The following CEP126 variants were observed in gnomAD, a reference collection of about 807,000 sequenced individuals.
CEP126 encodes centrosomal protein of 126 kDa.
CEP126 carries 74 observed loss-of-function variants against 107.8 expected under a neutral mutation model. The ratio of observed to expected loss-of-function variants is 0.69; its 90% CI spans 0.57 to 0.83. The LOEUF (loss-of-function observed/expected upper bound fraction) is 0.83, where lower values mean the gene tolerates loss of function less well. Ranked by LOEUF, CEP126 falls within the 40% of genes least tolerant of loss-of-function variation. The pLI is 0.00. For synonymous variants in CEP126, 449 were observed against 446.0 expected (o/e 1.01, Z -0.08); for missense variants, 1,237 against 1,281.9 (o/e 0.96, Z 0.53).
chr11:101,946,307 A>G (rs2137097826), intron 3 of CEP126, among the ~76,000 whole-genome samples: 1 of 151,632 alleles, frequency 6.6e-6, no homozygotes, highest in Non-Finnish European at 1.5e-5. Context: ...GACGAGTTCA[A>G]GACCATCCTG....
At chr11:101,925,281 C>T (rs1415945700) in intron 2 of CEP126, among the ~76,000 whole-genome samples, 5 of 152,124 alleles carry the variant, frequency 3.3e-5, no homozygotes, top group African/African-American at 1.2e-4. Flanking sequence ...TTGAGATACA[C>T]ACACAGAAAG....
chr11:101,993,517 C>A (rs1032771879), intron 10 of CEP126, among the ~76,000 whole-genome samples: 5 of 152,152 alleles, frequency 3.3e-5, no homozygotes, highest in Admixed American at 1.3e-4. Flanking sequence ...AATGAACATA[C>A]CCCTGCATGT....
intron 2 of CEP126, among the ~76,000 whole-genome samples, chr11:101,930,321 AGATTACTT>A (rs1940476841): frequency 6.6e-6 from 1 of 152,186 alleles, no homozygotes; most frequent in African/African-American, 2.4e-5. Context: ...AATCTTCTCT[AGATTACTT>A]ATAATAACTA....
chr11:101,962,263 A>C lies in CEP126; in HGVS notation c.1228A>C (p.Thr410Pro). Residue 410 changes from threonine to proline, a missense_variant, in exon 6 of 11, where the codon ACT becomes CCT. This residue lies in a region of CEP126 where 1,134 missense variants were observed against 1,150.5 expected (regional missense o/e 0.99). Transcript: ENST00000263468. ...GAFKRERPLV[T>P]ESPTFKFSKS... ...ATTCAAAAGAGAGAGACCATTAGTT[A>C]CTGAGAGCCCAACATTTAAATTTAG... 6.8e-6 allele frequency: 11 copies of C among 1,613,920 alleles called. No individual in the cohort carries two copies. The highest frequency in any genetic ancestry group is 9.3e-6 in the Non-Finnish European group (11 of 1,179,846).
intron 8 of CEP126, among the ~76,000 whole-genome samples, chr11:101,982,768 A>G (rs1021252418): frequency 3.3e-5 from 5 of 152,226 alleles, no homozygotes; most frequent in African/African-American, 1.2e-4. Flanking sequence ...TACATGTAGA[A>G]TATCCCTAAT....
At chr11:101,960,686 A>G (rs987459224) in intron 5 of CEP126, among the ~76,000 whole-genome samples, 4 of 152,044 alleles carry the variant, frequency 2.6e-5, no homozygotes, top group Non-Finnish European at 4.4e-5. Flanking sequence ...TCTGTAATTT[A>G]TTTACTTTAT....
At chr11:101,951,074 T>C (rs1407829664) in intron 4 of CEP126, among the ~76,000 whole-genome samples, 1 of 152,182 alleles carries the variant, frequency 6.6e-6, no homozygotes, top group African/African-American at 2.4e-5. Flanking sequence ...GAAGAAAGGA[T>C]GGCTCTGATA....
intron 2 of CEP126, among the ~76,000 whole-genome samples, chr11:101,923,847 T>G (rs1940368755): frequency 6.6e-6 from 1 of 152,192 alleles, no homozygotes; most frequent in Non-Finnish European, 1.5e-5. Flanking sequence ...AAGCCTCAGT[T>G]TTCTCATTTA....
intron 1 of CEP126, chr11:101,915,892 T>G (rs1940201169): frequency 6.6e-6 from 1 of 152,494 alleles, no homozygotes; most frequent in African/African-American, 2.4e-5. Context: ...TGGTAAGTTG[T>G]TTTGTTTTCC....
intron 2 of CEP126, among the ~76,000 whole-genome samples, chr11:101,942,598 G>T: frequency 6.8e-6 from 1 of 148,116 alleles, no homozygotes; most frequent in African/African-American, 2.5e-5. Flanking sequence ...TGGCTATTCA[G>T]GGTTCCTTGA....
chr11:101,942,291 A>G (rs1940676177), intron 2 of CEP126, among the ~76,000 whole-genome samples: 2 of 152,052 alleles, frequency 1.3e-5, no homozygotes, highest in Non-Finnish European at 2.9e-5. Flanking sequence ...ACTTTGGGGT[A>G]ATTTTTATAT....
intron 3 of CEP126, 136 bp downstream of exon 3, chr11:101,944,546 T>G (rs1940710751): frequency 3.9e-6 from 3 of 774,320 alleles, no homozygotes; most frequent in Non-Finnish European, 6.0e-6. Flanking sequence ...GTAAAAGCAC[T>G]TTAACCAAAG....
intron 6 of CEP126, among the ~76,000 whole-genome samples, chr11:101,970,883 G>A (rs926164741): frequency 1.3e-5 from 2 of 152,180 alleles, no homozygotes; most frequent in East Asian, 1.9e-4. Context: ...GAGGATAATT[G>A]ACTGTATAAA....
Position 101,962,582 on chromosome 11 carries a change from C to G in CEP126, c.1547C>G (p.Pro516Arg). 6.2e-7 allele frequency: 1 copy of G among 1,613,468 alleles called. No individual in the cohort carries two copies. Among genetic ancestry groups the G allele is most frequent in the Non-Finnish European group, 8.5e-7 (1 of 1,179,716 alleles). The change falls in exon 6 of 11, where the codon CCT (proline) becomes CGT (arginine). Residue 516 changes from proline to arginine, a missense_variant. This residue lies in a region of CEP126 where 1,134 missense variants were observed against 1,150.5 expected (regional missense o/e 0.99). Transcript: ENST00000263468. Reference protein sequence around the residue: ...KYFNCNKEELPLFSDSFQDAY... With the variant: ...KYFNCNKEELRLFSDSFQDAY... ...TTTAATTGCAATAAGGAAGAGTTGC[C>G]TTTATTTTCAGACAGTTTTCAAGAT...
intron 4 of CEP126, chr11:101,956,317 C>A (rs774908544): frequency 1.2e-4 from 53 of 456,208 alleles, no homozygotes; most frequent in Admixed American, 7.1e-5. Context: ...TGAAGCCTTC[C>A]TGTTTATCCA....
At chr11:101,951,418 A>G (rs990499495) in intron 4 of CEP126, among the ~76,000 whole-genome samples, 2 of 152,098 alleles carry the variant, frequency 1.3e-5, no homozygotes, top group Admixed American at 6.6e-5. Context: ...GAGATGAGGT[A>G]GAAGGATCAC....
chr11:101,981,567 A>C (rs1297285035), intron 7 of CEP126, among the ~76,000 whole-genome samples: 1 of 152,192 alleles, frequency 6.6e-6, no homozygotes, highest in Non-Finnish European at 1.5e-5. Context: ...TGTTGGGATT[A>C]CAAGCATGAG....
Position 101,989,674 on chromosome 11 carries a change from A to G in CEP126, c.3244+2633A>G, listed in dbSNP as rs181583025. ...AGCCTAGCATCCAAGGAAACACAGA[A>G]ACAGGCCGGGCGCGGTGCCTCACGC... On this transcript the variant is annotated intron_variant, in intron 9 of 10. Transcript: ENST00000263468. Among the ~76,000 whole-genome samples the G allele has an allele frequency of 8.3e-4, 126 of 152,204 alleles. 1 individual carries two copies. The highest frequency in any genetic ancestry group is 3.4e-3 in the Middle Eastern group (1 of 294).
chr11:101,920,179 C>A (rs1168497694), intron 1 of CEP126, among the ~76,000 whole-genome samples: 1 of 152,000 alleles, frequency 6.6e-6, no homozygotes. Context: ...TAAATAGCAA[C>A]ACAAAAGAAA....
Sources: gnomAD v4.1 joint callset for allele counts (sites outside exome capture counted in the v4.1 genomes callset) on GRCh38, gnomAD v4.1.1 for gene constraint, gnomAD v4.1.1 regional missense constraint, MANE v1.5 for transcripts, NCBI Gene and HGNC (gene_info 2026-07-23, HGNC 2026-07-21) for gene names.